Variants in EYS observed in about 807,000 individuals in gnomAD.
EYS encodes the protein protein eyes shut homolog.
In EYS, 250 loss-of-function variants were observed where a neutral mutation model predicts 282.1. The ratio of observed to expected loss-of-function variants is 0.89; its 90% CI spans 0.80 to 0.98. The LOEUF is 0.98. Ranked by LOEUF, EYS falls within the 50% of genes least tolerant of loss-of-function variation. The pLI is 0.00. For synonymous variants in EYS, 1,355 were observed against 1,282.9 expected, an observed-to-expected ratio of 1.06 and a Z score of -1.20; for missense variants, 4,016 against 3,709.0, an observed-to-expected ratio of 1.08 and a Z score of -2.15.
At chr6:63,826,845 C>CAAAAAAAAAAAAAAAAAAGACAAAA (rs1771475758) in intron 36 of EYS, among the ~76,000 whole-genome samples, 1 of 76,762 alleles carries the variant, frequency 1.3e-5, no homozygotes, top group African/African-American at 5.1e-5. Context: ...AGTTAAAAAG[C>CAAAAAAAAAAAAAAAAAAGACAAAA]AAAAAAAAAA....
At chr6:64,194,657 T>C (rs906902981) in intron 31 of EYS, among the ~76,000 whole-genome samples, 25 of 152,188 alleles carry the variant, frequency 1.6e-4, no homozygotes, top group Admixed American at 1.5e-3. Flanking sequence ...TTAGCCCAGA[T>C]AATGTTAATT....
chr6:64,764,595 G>T (rs1028119652), intron 22 of EYS, among the ~76,000 whole-genome samples: 7 of 152,196 alleles, frequency 4.6e-5, no homozygotes, highest in African/African-American at 1.7e-4. Context: ...CTATTGTGTT[G>T]GTTATTAACA....
At chr6:63,798,107 G>C (rs772348424) in intron 37 of EYS, 1 of 152,100 alleles carries the variant, frequency 6.6e-6, no homozygotes, top group Non-Finnish European at 1.5e-5. Context: ...TGAAATCAAG[G>C]TTACCCACTT....
chr6:64,673,708 C>T (rs1227358050), intron 22 of EYS, among the ~76,000 whole-genome samples: 2 of 152,008 alleles, frequency 1.3e-5, no homozygotes, highest in Admixed American at 6.6e-5. Flanking sequence ...TCAGAAGAGA[C>T]AATCTTTATC....
chr6:65,088,349 G>T (rs1297758641), intron 12 of EYS, among the ~76,000 whole-genome samples: 1 of 152,160 alleles, frequency 6.6e-6, no homozygotes, highest in East Asian at 1.9e-4. Flanking sequence ...CTAGAAACTT[G>T]TTGAATGGTT....
At chr6:65,323,284 A>G (rs1769528624) in intron 11 of EYS, among the ~76,000 whole-genome samples, 1 of 142,072 alleles carries the variant, frequency 7.0e-6, no homozygotes, top group South Asian at 2.4e-4. Context: ...TTGTCTAACT[A>G]TTTTATACTT....
intron 29 of EYS, among the ~76,000 whole-genome samples, chr6:64,351,838 T>C (rs1257442117): frequency 1.3e-5 from 2 of 151,584 alleles, no homozygotes; most frequent in African/African-American, 2.4e-5. Flanking sequence ...GTGATACAAA[T>C]AATACCATGT....
In EYS at chr6:64,709,019, T is replaced by TACACACACACACACACACAC. The variant is rs36018580; in HGVS notation, c.3444-82775_3444-82774insGTGTGTGTGTGTGTGTGTGT. Among the ~76,000 whole-genome samples the TACACACACACACACACACAC allele has an allele frequency of 1.2e-3, 183 of 151,092 alleles. 1 individual carries two copies. The highest frequency in any genetic ancestry group is 6.8e-3 in the Middle Eastern group (2 of 292). On this transcript the variant is annotated intron_variant, in intron 22 of 42. Coordinates refer to ENST00000503581, the MANE Select transcript of EYS (RefSeq NM_001142800.2). ...TGATTGCCTGGCATACATGCACACATACACACACACACACACACAGCAGTA... is the reference window on the plus strand; with the variant it reads ...TGATTGCCTGGCATACATGCACACATACACACACACACACACACACACACACACACACACACACAGCAGTA...
intron 32 of EYS, among the ~76,000 whole-genome samples, chr6:64,079,077 C>T (rs1253465703): frequency 6.6e-6 from 1 of 151,910 alleles, no homozygotes; most frequent in Admixed American, 6.6e-5. Flanking sequence ...CTTTGTCTTT[C>T]GATTATTATG....
intron 13 of EYS, among the ~76,000 whole-genome samples, chr6:65,030,647 A>G (rs917574258): frequency 5.3e-5 from 8 of 152,168 alleles, no homozygotes; most frequent in Non-Finnish European, 8.8e-5. Context: ...GACAGGGCAT[A>G]CCTTGATTCC....
At chr6:65,627,560 C>T (rs1309862144) in intron 2 of EYS, among the ~76,000 whole-genome samples, 2 of 152,074 alleles carry the variant, frequency 1.3e-5, no homozygotes, top group East Asian at 1.9e-4. Flanking sequence ...GGCTGCCTGC[C>T]GCGCTTGCGG....
chr6:63,817,439 G>A (rs1582237310), intron 36 of EYS, among the ~76,000 whole-genome samples: 1 of 152,200 alleles, frequency 6.6e-6, no homozygotes, highest in East Asian at 1.9e-4. Context: ...CAGGACATGG[G>A]ACCACGGGTA....
At chr6:65,518,226 G>C (rs1767215166) in intron 2 of EYS, among the ~76,000 whole-genome samples, 1 of 152,008 alleles carries the variant, frequency 6.6e-6, no homozygotes, top group Non-Finnish European at 1.5e-5. Flanking sequence ...TCCTAGAGTA[G>C]ACTAAATTGA....
chr6:64,808,356 A>AT, intron 22 of EYS, among the ~76,000 whole-genome samples: 1 of 152,216 alleles, frequency 6.6e-6, no homozygotes, highest in Admixed American at 6.6e-5. Context: ...ACTTTAAAAC[A>AT]TTTTTATAGT....
chr6:64,627,146 C>A (rs1003105569), intron 22 of EYS, among the ~76,000 whole-genome samples: 13 of 152,158 alleles, frequency 8.5e-5, no homozygotes, highest in Non-Finnish European at 1.9e-4. Flanking sequence ...CGAGTGCCTA[C>A]AACATGCAGG....
At chr6:64,808,134 C>T (rs1010333547) in intron 22 of EYS, among the ~76,000 whole-genome samples, 1 of 150,900 alleles carries the variant, frequency 6.6e-6, no homozygotes, top group African/African-American at 2.4e-5. Flanking sequence ...CTTCCCTTCC[C>T]TTCCTGTTTA....
chr6:63,897,656 T>G (rs1482867107), intron 35 of EYS, among the ~76,000 whole-genome samples: 1 of 152,214 alleles, frequency 6.6e-6, no homozygotes, highest in African/African-American at 2.4e-5. Context: ...ATATCTGTTG[T>G]TTTAAGTCAC....
Position 64,591,128 on chromosome 6 carries a change from G to A in EYS, c.4739C>T (p.Ser1580Phe), listed in dbSNP as rs1766393484. The part of the protein sequence containing the change: ...FSDQVLHSKQ[S>F]HFYETFWMNS... ...CATCCAGAATGTCTCATAAAAGTGG[G>A]ACTGTTTGCTATGCAAAACTTGATC... Residue 1580 changes from serine (S) to phenylalanine (F), a missense_variant, in exon 26 of 43, where the codon TCC (serine) becomes TTC (phenylalanine). Physicochemically the swap from Ser to Phe is radical, Grantham distance 155 (BLOSUM62 -2). Coordinates refer to ENST00000503581, the MANE Select transcript of EYS (RefSeq NM_001142800.2). 1 of 1,551,234 alleles carries A rather than the reference G, an allele frequency of 6.4e-7. No homozygotes were observed. Among genetic ancestry groups the A allele is most frequent in the Non-Finnish European group, 8.7e-7 (1 of 1,146,786 alleles).
chr6:64,382,265 G>A (rs1389418157), intron 29 of EYS, among the ~76,000 whole-genome samples: 1 of 152,070 alleles, frequency 6.6e-6, no homozygotes, highest in Non-Finnish European at 1.5e-5. Context: ...ACTCTCTCCT[G>A]AGGTTATGTC....
Sources: gnomAD v4.1 joint callset for allele counts (sites outside exome capture counted in the v4.1 genomes callset) on GRCh38, gnomAD v4.1.1 for gene constraint, MANE v1.5 for transcripts, NCBI Gene and HGNC (gene_info 2026-07-23, HGNC 2026-07-21) for gene names.